Variants in ATP9B observed in about 807,000 individuals in gnomAD.
ATP9B encodes ATPase phospholipid transporting 9B.
In ATP9B, 110 loss-of-function variants were observed where a neutral mutation model predicts 146.1. The observed-to-expected ratio is 0.75, with a 90% CI of 0.65 to 0.88. ATP9B has a LOEUF of 0.88. Ranked by LOEUF, ATP9B falls within the 40% of genes least tolerant of loss-of-function variation. The pLI, the probability that ATP9B is intolerant of heterozygous loss-of-function variation, is 0.00. For missense variants in ATP9B, 1,499 were observed against 1,496.4 expected, an observed-to-expected ratio of 1.00 and a Z score of -0.03; for synonymous variants, 604 against 569.7, an observed-to-expected ratio of 1.06 and a Z score of -0.86.
intron 10 of ATP9B, among the ~76,000 whole-genome samples, chr18:79,207,823 G>A (rs1223701023): frequency 6.6e-6 from 1 of 152,150 alleles, no homozygotes; most frequent in Non-Finnish European, 1.5e-5. Context: ...CTGGGGCAAG[G>A]CGGTTCCATA....
intron 19 of ATP9B, 138 bp from the exon 20 acceptor site, chr18:79,342,130 A>G: frequency 3.0e-6 from 2 of 657,698 alleles, no homozygotes; most frequent in Non-Finnish European, 5.6e-6. Flanking sequence ...TATGTATGGA[A>G]CACATTTTGC....
chr18:79,341,098 T>C (rs2096855636), intron 19 of ATP9B, among the ~76,000 whole-genome samples: 2 of 152,266 alleles, frequency 1.3e-5, no homozygotes, highest in African/African-American at 4.8e-5. Context: ...TGTTCCACCT[T>C]AGCAAGTTCA....
chr18:79,157,595 G>A (rs977500116), intron 7 of ATP9B, among the ~76,000 whole-genome samples: 10 of 152,058 alleles, frequency 6.6e-5, no homozygotes, highest in African/African-American at 1.4e-4. Flanking sequence ...GATAGAATTC[G>A]CCCATGAAAC....
chr18:79,173,751 G>C (rs779740518), intron 7 of ATP9B: 7 of 455,744 alleles, frequency 1.5e-5, no homozygotes, highest in South Asian at 6.2e-5. Flanking sequence ...TTAAAATCTG[G>C]TGGGCTGATT....
Position 79,336,065 on chromosome 18 carries a change from C to T in ATP9B, c.2029-563C>T, listed in dbSNP as rs1399042255. 2.1e-5 allele frequency among the ~76,000 whole-genome samples: 3 copies of T among 142,232 alleles called. No individual in the cohort carries two copies. The East Asian group carries it at 6.2e-4, about 29-fold the overall frequency. 93.3% of individuals were successfully genotyped at this position (142,232 alleles called of 152,430 possible). Reference sequence around the variant, plus strand: ...TCCATGCCCTCCCTGGCACCAGGTGCTCCCCTCGCCCGTCCCCAGCACCGC... The same window carrying T: ...TCCATGCCCTCCCTGGCACCAGGTGTTCCCCTCGCCCGTCCCCAGCACCGC... On this transcript the variant is annotated intron_variant, in intron 17 of 29. Transcript: ENST00000426216.
At chr18:79,313,089 G>C (rs1471845385) in intron 15 of ATP9B, among the ~76,000 whole-genome samples, 1 of 152,166 alleles carries the variant, frequency 6.6e-6, no homozygotes, top group African/African-American at 2.4e-5. Flanking sequence ...TTAGCCATCA[G>C]CCCTGTTACA....
intron 11 of ATP9B, among the ~76,000 whole-genome samples, chr18:79,244,575 T>C (rs975781126): frequency 7.2e-5 from 11 of 152,202 alleles, no homozygotes; most frequent in Admixed American, 2.6e-4. Flanking sequence ...TTTAATAGAA[T>C]CTGATGACAT....
At chr18:79,073,301 G>A (rs556197932) in intron 1 of ATP9B, among the ~76,000 whole-genome samples, 28 of 152,124 alleles carry the variant, frequency 1.8e-4, no homozygotes, top group African/African-American at 5.8e-4. Context: ...AGGTTGTAGC[G>A]AGCCGAGATC....
intron 7 of ATP9B, among the ~76,000 whole-genome samples, chr18:79,159,408 T>C (rs2094843784): frequency 6.6e-6 from 1 of 152,144 alleles, no homozygotes; most frequent in Non-Finnish European, 1.5e-5. Flanking sequence ...TACCTGGCTG[T>C]AGAGTTCCAA....
intron 29 of ATP9B, among the ~76,000 whole-genome samples, chr18:79,376,992 G>A (rs533895094): frequency 1.2e-4 from 19 of 152,298 alleles, no homozygotes; most frequent in South Asian, 8.3e-4. Context: ...GAGCCACTGC[G>A]CCCGGCCTGC....
intron 1 of ATP9B, among the ~76,000 whole-genome samples, chr18:79,088,553 G>T (rs940232272): frequency 1.1e-4 from 17 of 152,212 alleles, no homozygotes; most frequent in Admixed American, 6.5e-5. Context: ...GGTTGGAGTT[G>T]TGTATAAAAG....
At chr18:79,331,476 A>G (rs2096789762) in intron 17 of ATP9B, among the ~76,000 whole-genome samples, 1 of 152,236 alleles carries the variant, frequency 6.6e-6, no homozygotes, top group Non-Finnish European at 1.5e-5. Flanking sequence ...TTTTTCACAA[A>G]GATAACTTTA....
At chr18:79,173,432 G>GT (rs111326430) in intron 7 of ATP9B, among the ~76,000 whole-genome samples, 25,644 of 140,190 alleles carry the variant, frequency 0.18, 2,715 homozygotes, top group African/African-American at 0.31. Flanking sequence ...TCTTGTGGTG[G>GT]TTTTTTTTTT....
chr18:79,069,495 G>A lies in ATP9B; in HGVS notation c.85G>A (p.Ala29Thr). 6.8e-7 allele frequency: 1 copy of A among 1,466,878 alleles called. No individual in the cohort carries two copies. Among genetic ancestry groups the A allele is most frequent in the South Asian group, 1.3e-5 (1 of 74,978 alleles). 90.9% of individuals were successfully genotyped at this position (1,466,878 alleles called of 1,614,324 possible). ...NRKRAAYYSA[A>T]GPRPGADRHS... ...CAAACGCGCGGCCTACTACAGCGCC[G>A]CGGGGCCCAGGCCGGGAGCCGACCG... The change falls in exon 1 of 30, where the codon GCG becomes ACG. Residue 29 changes from alanine (A) to threonine (T), a missense_variant. Transcript: ENST00000426216.
intron 6 of ATP9B, chr18:79,144,106 T>G: frequency 3.3e-6 from 1 of 302,648 alleles, no homozygotes; most frequent in Non-Finnish European, 6.0e-6. Context: ...TGCTTAATGT[T>G]GCATTATCAA....
chr18:79,207,070 T>C, intron 10 of ATP9B, 58 bp downstream of exon 10: 1 of 1,525,896 alleles, frequency 6.6e-7, no homozygotes, highest in Non-Finnish European at 9.1e-7. Context: ...TGCTTTGTTT[T>C]GTCCAGGGAC....
At chr18:79,272,445 C>T (rs2096265883) in intron 12 of ATP9B, among the ~76,000 whole-genome samples, 1 of 152,064 alleles carries the variant, frequency 6.6e-6, no homozygotes, top group Non-Finnish European at 1.5e-5. Flanking sequence ...ACGCTCCTGT[C>T]CCTGAGCTCT....
intron 11 of ATP9B, among the ~76,000 whole-genome samples, chr18:79,231,136 A>G (rs148483676): frequency 2.6e-5 from 4 of 152,338 alleles, no homozygotes; most frequent in African/African-American, 9.6e-5. Flanking sequence ...TGCAACAAAG[A>G]CAGATAGATA....
chr18:79,376,214 C>CACACACACACACA, intron 29 of ATP9B: 3 of 885,000 alleles, frequency 3.4e-6, no homozygotes, highest in Admixed American at 7.9e-5. Context: ...CACACACACA[C>CACACACACACACA]AAAACAAAAC....
Sources: allele counts gnomAD v4.1 joint callset (sites outside exome capture counted in the v4.1 genomes callset), GRCh38; gene constraint gnomAD v4.1.1; transcripts MANE v1.5; gene names NCBI Gene and HGNC (gene_info 2026-07-23, HGNC 2026-07-21).